The following CFH variants were observed in gnomAD, a reference collection of about 807,000 sequenced individuals.
CFH encodes the protein H factor 1 (complement).
Under a neutral mutation model 147.3 loss-of-function variants are expected in CFH, and 53 were observed. The ratio of observed to expected loss-of-function variants is 0.36; its 90% CI spans 0.29 to 0.45. The LOEUF is 0.45. Among genes scored for constraint, CFH ranks in the 20% least tolerant of loss-of-function variants. CFH has a pLI of 1.00. For synonymous variants in CFH, 536 were observed against 489.4 expected (o/e 1.10, Z -1.26); for missense variants, 1,380 against 1,498.0 (o/e 0.92, Z 1.30).
chr1:196,697,091 A>G (rs1372619295), intron 9 of CFH, among the ~76,000 whole-genome samples: 1 of 152,232 alleles, frequency 6.6e-6, no homozygotes, highest in Non-Finnish European at 1.5e-5. Context: ...GGACATAGGC[A>G]TGGGCAAGGA....
rs1553281990 is a variant in CFH, at chr1:196,743,603, C to G, written c.3285C>G (p.Asn1095Lys). Residue 1095 changes from asparagine (N) to lysine (K), a missense_variant, in exon 20 of 22, where the codon AAC becomes AAG. Asn to Lys is a moderately conservative substitution (Grantham distance 94). Coordinates refer to ENST00000367429, the MANE Select transcript of CFH (RefSeq NM_000186.4). The part of the protein sequence containing the change: ...GDEEVMCLNG[N>K]WTEPPQCKDS... Reference sequence around the variant, plus strand: ...AAGAAGTGATGTGTTTAAATGGAAACTGGACGGAACCACCTCAATGCAAAG... The same window carrying G: ...AAGAAGTGATGTGTTTAAATGGAAAGTGGACGGAACCACCTCAATGCAAAG... 6.2e-7 allele frequency: 1 copy of G among 1,614,040 alleles called. No individual in the cohort carries two copies. Among genetic ancestry groups the G allele is most frequent in the Admixed American group, 1.7e-5 (1 of 60,032 alleles).
chr1:196,687,540 C>T (rs34328658), intron 7 of CFH, among the ~76,000 whole-genome samples: 1 of 151,912 alleles, frequency 6.6e-6, no homozygotes, highest in African/African-American at 2.4e-5. Context: ...AAGATGGATA[C>T]TCATACTTGC....
intron 1 of CFH, among the ~76,000 whole-genome samples, chr1:196,667,471 C>T (rs1439811719): frequency 6.6e-6 from 1 of 152,154 alleles, no homozygotes; most frequent in African/African-American, 2.4e-5. Flanking sequence ...TACTTTCTAA[C>T]TAAAATTATC....
chr1:196,659,723 A>G (rs1666840003), intron 1 of CFH, among the ~76,000 whole-genome samples: 1 of 152,124 alleles, frequency 6.6e-6, no homozygotes, highest in Non-Finnish European at 1.5e-5. Flanking sequence ...GTCATAGCAC[A>G]CTGGTCTGTG....
At chr1:196,736,182 A>G (rs1248475133) in intron 15 of CFH, among the ~76,000 whole-genome samples, 1 of 152,132 alleles carries the variant, frequency 6.6e-6, no homozygotes, top group African/African-American at 2.4e-5. Flanking sequence ...CAGGCTGTGC[A>G]ATGCATTAAA....
intron 13 of CFH, 36 bp from the exon 14 acceptor site, chr1:196,726,724 GT>G (rs1433378828): frequency 1.9e-6 from 3 of 1,610,230 alleles, no homozygotes; most frequent in Non-Finnish European, 2.5e-6. Context: ...CATACATCAT[GT>G]TTTCACAATA....
intron 8 of CFH, 80 bp downstream of exon 8, chr1:196,689,694 C>T (rs1667958385): frequency 4.8e-6 from 7 of 1,458,120 alleles, no homozygotes. Context: ...AGTGATTACA[C>T]CTGTCTTATG....
At chr1:196,666,723 A>G (rs1258336970) in intron 1 of CFH, among the ~76,000 whole-genome samples, 1 of 150,652 alleles carries the variant, frequency 6.6e-6, no homozygotes, top group Non-Finnish European at 1.5e-5. Context: ...GAGGCAGGAG[A>G]ATGGCGTGAA....
At chr1:196,673,261 G>T in intron 2 of CFH, 98 bp downstream of exon 2, 2 of 1,099,842 alleles carry the variant, frequency 1.8e-6, no homozygotes, top group Non-Finnish European at 2.8e-6. Flanking sequence ...TATCACTATT[G>T]CCAGTCAAAT....
intron 9 of CFH, among the ~76,000 whole-genome samples, chr1:196,712,873 T>A (rs528619915): frequency 4.0e-4 from 60 of 150,294 alleles, no homozygotes; most frequent in Admixed American, 8.7e-4. Flanking sequence ...GGTGTTTGGT[T>A]TTTTGTCCTT....
intron 20 of CFH, among the ~76,000 whole-genome samples, chr1:196,744,430 T>A (rs1652932201): frequency 6.6e-6 from 1 of 152,110 alleles, no homozygotes; most frequent in Non-Finnish European, 1.5e-5. Context: ...TGTAGGGAAA[T>A]TATTAAGGAG....
In CFH at chr1:196,737,408, T is replaced by C. The variant is rs191097847; in HGVS notation, c.2597-67T>C. The C allele has an allele frequency of 1.1e-4, 125 of 1,110,858 alleles. No homozygotes were observed. The African/African-American group carries it at 1.8e-3, about 16-fold the overall frequency. The allele number at this position is 1,110,858 out of a possible 1,614,324, so 68.8% of individuals were successfully genotyped here. ...CTCACTTTAAAATCCGAAATAGTAT[T>C]TAGTTTTATATTTCAATTTAAGTAT... On this transcript the variant is annotated intron_variant, in intron 16 of 21. Coordinates refer to ENST00000367429, the MANE Select transcript of CFH (RefSeq NM_000186.4).
intron 20 of CFH, among the ~76,000 whole-genome samples, chr1:196,744,317 A>C (rs1652928012): frequency 6.6e-6 from 1 of 152,060 alleles, no homozygotes; most frequent in Non-Finnish European, 1.5e-5. Context: ...GACCATTTAC[A>C]CTTAAAATAA....
chr1:196,709,329 A>G (rs1294031349), intron 9 of CFH, among the ~76,000 whole-genome samples: 3 of 152,200 alleles, frequency 2.0e-5, no homozygotes, highest in Non-Finnish European at 4.4e-5. Flanking sequence ...CAATAAAACC[A>G]TAGACTGAAG....
At chr1:196,701,276 A>T in intron 9 of CFH, 1 of 1,613,532 alleles carries the variant, frequency 6.2e-7, no homozygotes, top group Non-Finnish European at 8.5e-7. Flanking sequence ...AATCTCAGCA[A>T]GCCTAACTCA....
intron 15 of CFH, among the ~76,000 whole-genome samples, chr1:196,733,100 G>A (rs1669317313): frequency 6.6e-6 from 1 of 151,992 alleles, no homozygotes; most frequent in African/African-American, 2.4e-5. Flanking sequence ...TTGAATGCAT[G>A]GCTAAACTTG....
At chr1:196,731,322 A>G (rs1317837901) in intron 15 of CFH, among the ~76,000 whole-genome samples, 1 of 151,920 alleles carries the variant, frequency 6.6e-6, no homozygotes, top group Non-Finnish European at 1.5e-5. Flanking sequence ...TTAGGCTTGC[A>G]TAACATATCT....
chr1:196,740,850 G>T, intron 18 of CFH, 58 bp downstream of exon 18: 1 of 1,532,686 alleles, frequency 6.5e-7, no homozygotes, highest in South Asian at 1.1e-5. Flanking sequence ...CAAAGTGTAA[G>T]TGGTACCAAT....
In CFH at chr1:196,725,215, C is replaced by T. The variant is rs1465798538; in HGVS notation, c.1791C>T (p.Cys597=). Residue 597 remains cysteine (C), a synonymous_variant, in exon 12 of 22, where the codon TGC becomes TGT. Transcript: ENST00000367429. ...YKVGEVLKFS[C]KPGFTIVGPN... is the part of the protein sequence containing the mutation. ...TTGGAGAGGTGTTGAAATTCTCCTG[C>T]AAACCAGGATTTACAATAGTTGGAC... is the stretch of plus-strand genomic sequence containing the variant. 1 of 1,613,912 alleles carries T rather than the reference C, an allele frequency of 6.2e-7. No homozygotes were observed. Among genetic ancestry groups the T allele is most frequent in the Non-Finnish European group, 8.5e-7 (1 of 1,179,850 alleles).
Sources: allele counts gnomAD v4.1 joint callset (sites outside exome capture counted in the v4.1 genomes callset), GRCh38; gene constraint gnomAD v4.1.1; transcripts MANE v1.5; gene names NCBI Gene and HGNC (gene_info 2026-07-23, HGNC 2026-07-21).